The following PNO1 variants were observed in gnomAD, a reference collection of about 807,000 sequenced individuals.
The protein encoded by PNO1 is partner of NOB1 homolog.
PNO1 carries 16 observed loss-of-function variants against 28.4 expected under a neutral mutation model. The observed-to-expected ratio is 0.56, with a 90% CI of 0.38 to 0.85. The LOEUF (loss-of-function observed/expected upper bound fraction) is 0.85. PNO1 is among the 40% of genes least tolerant of loss of function. The pLI is 0.00. For synonymous variants in PNO1, 115 were observed against 110.8 expected (o/e 1.04, Z -0.24); for missense variants, 304 against 312.2 (o/e 0.97, Z 0.20).
intron 5 of PNO1, among the ~76,000 whole-genome samples, chr2:68,167,771 T>C (rs1282111855): frequency 6.6e-6 from 1 of 152,236 alleles, no homozygotes; most frequent in Non-Finnish European, 1.5e-5. Flanking sequence ...CCTGTTACCC[T>C]GACATTTTTA....
intron 5 of PNO1, among the ~76,000 whole-genome samples, chr2:68,170,920 T>G (rs538114882): frequency 6.6e-6 from 1 of 152,282 alleles, no homozygotes; most frequent in African/African-American, 2.4e-5. Context: ...ACTATTGACT[T>G]TCTACCATCA....
At chr2:68,167,877 A>G (rs780124292) in intron 5 of PNO1, among the ~76,000 whole-genome samples, 25 of 152,352 alleles carry the variant, frequency 1.6e-4, no homozygotes, top group South Asian at 2.1e-4. Context: ...AAGTTGTCAT[A>G]TAATGACTTA....
chr2:68,168,285 G>C (rs1483777249), intron 5 of PNO1, among the ~76,000 whole-genome samples: 1 of 152,206 alleles, frequency 6.6e-6, no homozygotes, highest in Non-Finnish European at 1.5e-5. Context: ...TAAAATACCT[G>C]ACAATTAGAT....
intron 2 of PNO1, among the ~76,000 whole-genome samples, chr2:68,159,104 T>C (rs1383968752): frequency 1.3e-5 from 2 of 152,226 alleles, no homozygotes; most frequent in Non-Finnish European, 2.9e-5. Context: ...ATATCAGGTT[T>C]CTGTATATTC....
At chr2:68,164,034 T>A (rs1317376010) in intron 5 of PNO1, among the ~76,000 whole-genome samples, 12 of 152,244 alleles carry the variant, frequency 7.9e-5, no homozygotes. Flanking sequence ...TGTACATTCT[T>A]TACACTTTAA....
Position 68,175,033 on chromosome 2 carries a change from T to G in PNO1, c.*231T>G, listed in dbSNP as rs1227848170. 4 of 410,850 alleles carry G rather than the reference T, an allele frequency of 9.7e-6. No homozygotes were observed. Among genetic ancestry groups the G allele is most frequent in the Non-Finnish European group, 1.8e-5 (4 of 228,472 alleles). 25.5% of individuals were successfully genotyped at this position (410,850 alleles called of 1,614,324 possible). ...TGATTGTTATACTTAACACATTAGG[T>G]ATAATTTATCATTTATCTGAAATCA... is the stretch of plus-strand genomic sequence containing the variant. On this transcript the variant is annotated 3_prime_UTR_variant, in exon 7 of 7. Transcript: ENST00000263657.
intron 2 of PNO1, chr2:68,161,438 T>C: frequency 2.0e-6 from 1 of 489,888 alleles, no homozygotes; most frequent in East Asian, 4.2e-5. Context: ...TCTGATCATA[T>C]AGTGCGGTTA....
At chr2:68,162,723 G>A in intron 5 of PNO1, 60 bp downstream of exon 5, 2 of 1,107,312 alleles carry the variant, frequency 1.8e-6, no homozygotes, top group African/African-American at 3.1e-5. Flanking sequence ...TTTGTTTTAA[G>A]AAAGTCATAA....
chr2:68,162,412 T>C, intron 4 of PNO1, 87 bp downstream of exon 4: 2 of 1,138,816 alleles, frequency 1.8e-6, no homozygotes, highest in Non-Finnish European at 2.6e-6. Context: ...AATTGAGCTG[T>C]ATTTTTAGCA....
In PNO1 at chr2:68,174,896, C is replaced by T; in HGVS notation, c.*94C>T. On this transcript the variant is annotated 3_prime_UTR_variant, in exon 7 of 7. Transcript: ENST00000263657. The stretch of plus-strand genomic sequence containing the variant: ...AAGAAACCAGCTGAACAATTTCAGT[C>T]ATTTGAAGCCTCCGTCCCTTCTTCC... 1.4e-6 allele frequency: 1 copy of T among 711,382 alleles called. No homozygotes were observed. Among genetic ancestry groups the T allele is most frequent in the East Asian group, 2.6e-5 (1 of 39,210 alleles). The allele number at this position is 711,382 out of a possible 1,614,324, so 44.1% of individuals were successfully genotyped here. A position where few individuals can be genotyped will look rare whatever the true frequency, so the allele number is the denominator to read the frequency against.
intron 5 of PNO1, among the ~76,000 whole-genome samples, chr2:68,168,616 G>T (rs570245082): frequency 1.3e-5 from 2 of 152,176 alleles, no homozygotes; most frequent in African/African-American, 2.4e-5. Context: ...TAAGTGTAGG[G>T]TGTATGACTT....
At chr2:68,165,386 A>AAAC (rs1673962073) in intron 5 of PNO1, among the ~76,000 whole-genome samples, 3 of 84,520 alleles carry the variant, frequency 3.5e-5, no homozygotes, top group African/African-American at 9.0e-5. Context: ...AAAACAACAA[A>AAAC]AAAAAAAAAA....
chr2:68,163,540 AATACATACATACATACATAC>A (rs543846420), intron 5 of PNO1, among the ~76,000 whole-genome samples: 5 of 136,072 alleles, frequency 3.7e-5, no homozygotes, highest in Admixed American at 7.4e-5. Context: ...CAAATAAATA[AATACATACATACATACATAC>A]ATACATACAT....
intron 2 of PNO1, among the ~76,000 whole-genome samples, chr2:68,159,317 G>A (rs1355319556): frequency 3.9e-5 from 6 of 151,950 alleles, no homozygotes; most frequent in African/African-American, 7.3e-5. Flanking sequence ...ACCCAGGCTG[G>A]AGTGAGTGGC....
intron 5 of PNO1, among the ~76,000 whole-genome samples, chr2:68,169,794 G>A (rs1277907098): frequency 2.6e-5 from 4 of 151,974 alleles, no homozygotes; most frequent in East Asian, 3.8e-4. Context: ...ACATTTCTAC[G>A]ATACTTAGCT....
intron 5 of PNO1, among the ~76,000 whole-genome samples, chr2:68,172,105 C>T (rs1674145775): frequency 6.6e-6 from 1 of 152,124 alleles, no homozygotes; most frequent in East Asian, 1.9e-4. Flanking sequence ...GAGAGGCTGG[C>T]ATGTTGGGAT....
rs1479519544 is a variant in PNO1 at position 68,175,879 on chromosome 2, CACT to C, written c.*1080_*1082del. 6.6e-6 allele frequency: 1 copy of C among 152,162 alleles called. No individual in the cohort carries two copies. The highest frequency in any genetic ancestry group is 2.4e-5 in the African/African-American group (1 of 41,444). The allele number at this position is 152,162 out of a possible 1,614,324, so 9.4% of individuals were successfully genotyped here. On this transcript the variant is annotated 3_prime_UTR_variant, in exon 7 of 7. Coordinates refer to ENST00000263657, the MANE Select transcript of PNO1 (RefSeq NM_020143.4). ...TAGCCTACCTTAAAAGGGCTCCGAA[CACT>C]ACATTAGCCTACAGTTGGGCAAAAT...
chr2:68,173,517 A>G (rs1028506070), intron 6 of PNO1, 100 bp downstream of exon 6: 3 of 715,476 alleles, frequency 4.2e-6, no homozygotes, highest in Non-Finnish European at 7.5e-6. Context: ...GGTAATATTA[A>G]AGATCGCAAG....
intron 3 of PNO1, 28 bp downstream of exon 3, chr2:68,161,794 G>A (rs771607650): frequency 7.0e-7 from 1 of 1,430,494 alleles, no homozygotes; most frequent in African/African-American, 1.4e-5. Flanking sequence ...ATCTAAAATG[G>A]GGACTTTAAA....
Sources: gnomAD v4.1 joint callset for allele counts (sites outside exome capture counted in the v4.1 genomes callset) on GRCh38, gnomAD v4.1.1 for gene constraint, MANE v1.5 for transcripts, NCBI Gene and HGNC (gene_info 2026-07-23, HGNC 2026-07-21) for gene names.